Variants in PLK4 observed in about 807,000 individuals in gnomAD.
The protein encoded by PLK4 is polo like kinase 4.
In PLK4, 51 loss-of-function variants were observed where a neutral mutation model predicts 103.0. The observed-to-expected ratio is 0.50, with a 90% CI of 0.40 to 0.63. The LOEUF (loss-of-function observed/expected upper bound fraction) is 0.63. Among genes scored for constraint, PLK4 ranks in the 20% least tolerant of loss-of-function variants. The pLI is 0.00. For missense variants in PLK4, 1,054 were observed against 1,151.0 expected, an observed-to-expected ratio of 0.92 and a Z score of 1.22; for synonymous variants, 389 against 376.8, an observed-to-expected ratio of 1.03 and a Z score of -0.38.
At chr4:127,897,915 T>C (rs1735637897) in intron 15 of PLK4, among the ~76,000 whole-genome samples, 2 of 136,750 alleles carry the variant, frequency 1.5e-5, no homozygotes, top group South Asian at 5.2e-4. Flanking sequence ...CTTGGCTCAC[T>C]GCAACTTCTG....
intron 6 of PLK4, among the ~76,000 whole-genome samples, chr4:127,888,072 C>T (rs996313392): frequency 1.4e-5 from 2 of 142,060 alleles, no homozygotes; most frequent in Non-Finnish European, 3.0e-5. Flanking sequence ...CCCACCTACT[C>T]GGATGGCTGA....
chr4:127,881,291 G>T (rs1019182832), intron 1 of PLK4, 127 bp downstream of exon 1: 5 of 1,553,124 alleles, frequency 3.2e-6, no homozygotes, highest in Non-Finnish European at 4.3e-6. Flanking sequence ...CTTAGGGAGG[G>T]TCCCAACGGC....
At chr4:127,892,321 G>T (rs201232011) in intron 9 of PLK4, 44 bp from the exon 10 acceptor site, 1 of 1,285,738 alleles carries the variant, frequency 7.8e-7, no homozygotes, top group South Asian at 1.3e-5. Flanking sequence ...CTGTATGTCA[G>T]GTCAACACTT....
Position 127,880,945 on chromosome 4 carries a change from C to T in PLK4, c.-190C>T, listed in dbSNP as rs946581384. The T allele has an allele frequency of 1.6e-5, 10 of 618,066 alleles. No homozygotes were observed. The highest frequency in any genetic ancestry group is 1.3e-4 in the African/African-American group (7 of 53,940). 38.3% of individuals were successfully genotyped at this position (618,066 alleles called of 1,614,324 possible). A position where few individuals can be genotyped will look rare whatever the true frequency, so the allele number is the denominator to read the frequency against. The stretch of plus-strand genomic sequence containing the variant: ...GGCGGGAGATTTTCAAAATGGGAGC[C>T]CAGAGGCACCGCCCAGGCCTCGGAA... On this transcript the variant is annotated 5_prime_UTR_variant, in exon 1 of 16. Transcript: ENST00000270861.
chr4:127,897,824 CTT>C (rs200741150), intron 15 of PLK4, among the ~76,000 whole-genome samples: 20 of 28,782 alleles, frequency 6.9e-4, no homozygotes, highest in African/African-American at 2.8e-3. Context: ...AGAATTAGGG[CTT>C]TTTTTTTTTT....
chr4:127,881,287 G>GA (rs1191331003), intron 1 of PLK4, 123 bp downstream of exon 1: 38 of 1,560,196 alleles, frequency 2.4e-5, no homozygotes, highest in Non-Finnish European at 2.9e-5. Flanking sequence ...GGTGCTTAGG[G>GA]AGGGTCCCAA....
intron 9 of PLK4, 130 bp from the exon 10 acceptor site, chr4:127,892,235 T>C (rs1411836779): frequency 3.4e-6 from 2 of 590,326 alleles, no homozygotes; most frequent in African/African-American, 3.9e-5. Context: ...TAAGCCTTCA[T>C]TGAGGTAACT....
At position 127,883,564 on chromosome 4, in the gene PLK4, G is replaced by T. The variant is rs1245614688; in HGVS notation, c.337+11G>T. The T allele has an allele frequency of 1.6e-6, 2 of 1,233,842 alleles. No individual in the cohort carries two copies. Among genetic ancestry groups the T allele is most frequent in the Admixed American group, 2.0e-5 (1 of 49,602 alleles). The allele number at this position is 1,233,842 out of a possible 1,614,324, so 76.4% of individuals were successfully genotyped here. On this transcript the variant is annotated intron_variant, in intron 4 of 15. Coordinates refer to ENST00000270861, the MANE Select transcript of PLK4 (RefSeq NM_014264.5). ...TCTCAGAAAATGAAGGTAGGTGTGT[G>T]GTTTTTTTTGTTTGTTTTGTTTGGG...
chr4:127,890,932 C>T (rs546371875), intron 7 of PLK4, 160 bp from the exon 8 acceptor site: 11 of 451,510 alleles, frequency 2.4e-5, no homozygotes, highest in African/African-American at 2.2e-4. Context: ...CAGTTGTGCT[C>T]AAATATACCT....
intron 4 of PLK4, among the ~76,000 whole-genome samples, chr4:127,884,805 T>C (rs1578752775): frequency 1.3e-5 from 2 of 152,086 alleles, no homozygotes; most frequent in African/African-American, 4.8e-5. Context: ...CTCGGTGTGG[T>C]GGTGCTCTCC....
At chr4:127,888,036 T>C (rs1370754476) in intron 6 of PLK4, among the ~76,000 whole-genome samples, 1 of 150,172 alleles carries the variant, frequency 6.7e-6, no homozygotes, top group Non-Finnish European at 1.5e-5. Context: ...AAAAATTAGC[T>C]GGGTTTGCTG....
Position 127,893,401 on chromosome 4 carries a change from A to G in PLK4, c.2305A>G (p.Met769Val). 1 of 1,608,712 alleles carries G rather than the reference A, an allele frequency of 6.2e-7. No homozygotes were observed. Among genetic ancestry groups the G allele is most frequent in the Non-Finnish European group, 8.5e-7 (1 of 1,176,948 alleles). ...CTTGAAAGAGGAGATAAAAATGTAT[A>G]TGGACCATGCTAATGAGGTACATAC... ...NSLKEEIKMY[M>V]DHANEGHRIC... The change falls in exon 11 of 16, where the codon ATG becomes GTG. Residue 769 changes from methionine to valine, a missense_variant. By Grantham distance (21) the Met-to-Val change is conservative. Transcript: ENST00000270861.
Position 127,886,618 on chromosome 4 carries a change from T to G in PLK4, c.1248T>G (p.Asn416Lys). The part of the protein sequence containing the change: ...SVSKRSGGGE[N>K]EERYSPTDNN... ...CCAAAAGATCAGGAGGAGGTGAAAA[T>G]GAAGAGAGGTACTCACCCACAGACA... is the stretch of plus-strand genomic sequence containing the variant. The change falls in exon 5 of 16, where the codon AAT becomes AAG. Residue 416 changes from asparagine to lysine, a missense_variant. Coordinates refer to ENST00000270861, the MANE Select transcript of PLK4 (RefSeq NM_014264.5). 6.2e-7 allele frequency: 1 copy of G among 1,613,622 alleles called. No homozygotes were observed. Among genetic ancestry groups the G allele is most frequent in the Non-Finnish European group, 8.5e-7 (1 of 1,179,644 alleles).
chr4:127,895,647 C>T (rs1365265860), intron 14 of PLK4, among the ~76,000 whole-genome samples: 1 of 151,306 alleles, frequency 6.6e-6, no homozygotes, highest in African/African-American at 2.4e-5. Context: ...GGTCTCAATC[C>T]CCTGACCTTG....
At position 127,890,148 on chromosome 4, in the gene PLK4, G is replaced by T; in HGVS notation, c.1742G>T (p.Gly581Val). 1 of 1,613,878 alleles carries T rather than the reference G, an allele frequency of 6.2e-7. No homozygotes were observed. The highest frequency in any genetic ancestry group is 8.5e-7 in the Non-Finnish European group (1 of 1,179,796). ...ACTAGGGGTATGGAGCCACCATGGG[G>T]TTATCAGAATCGTACATTAAGAAGC... ...SKTRGMEPPW[G>V]YQNRTLRSIT... Residue 581 changes from glycine to valine, a missense_variant, in exon 7 of 16, where the codon GGT (glycine) becomes GTT (valine). Gly to Val is a moderately radical substitution (Grantham distance 109, BLOSUM62 -3). Coordinates refer to ENST00000270861, the MANE Select transcript of PLK4 (RefSeq NM_014264.5).
chr4:127,892,360 C>T lies in PLK4; in HGVS notation c.2039-5C>T, dbSNP rs752602208. 20 of 1,543,060 alleles carry T rather than the reference C, an allele frequency of 1.3e-5. No homozygotes were observed. The highest frequency in any genetic ancestry group is 6.7e-5 in the Admixed American group (3 of 44,878). ...TCCCTAATGTTAAGTATTTTTTTTC[C>T]TTAGAAAAATACTGGCGAAAATATC... On this transcript the variant is annotated splice_region_variant and splice_polypyrimidine_tract_variant and intron_variant, in intron 9 of 15. Coordinates refer to ENST00000270861, the MANE Select transcript of PLK4 (RefSeq NM_014264.5).
intron 6 of PLK4, among the ~76,000 whole-genome samples, chr4:127,889,646 A>C (rs1303887563): frequency 6.6e-6 from 1 of 152,196 alleles, no homozygotes; most frequent in Non-Finnish European, 1.5e-5. Context: ...TAGTCTTAGG[A>C]ATACTAAAGG....
chr4:127,888,839 CAG>C (rs924791701), intron 6 of PLK4, among the ~76,000 whole-genome samples: 5 of 152,064 alleles, frequency 3.3e-5, no homozygotes, highest in Middle Eastern at 3.4e-3. Flanking sequence ...GTAATTTAAT[CAG>C]AGAGTTGTAT....
chr4:127,883,669 T>C (rs1304472241), intron 4 of PLK4, 116 bp downstream of exon 4: 9 of 499,024 alleles, frequency 1.8e-5, no homozygotes, highest in Non-Finnish European at 3.2e-5. Context: ...GTTTGAATTA[T>C]TACTTTAAGC....
Sources: gnomAD v4.1 joint callset for allele counts (sites outside exome capture counted in the v4.1 genomes callset) on GRCh38, gnomAD v4.1.1 for gene constraint, MANE v1.5 for transcripts, NCBI Gene and HGNC (gene_info 2026-07-23, HGNC 2026-07-21) for gene names.